GDPD4: variants seen among roughly 807,000 people sequenced by gnomAD.
GDPD4 encodes glycerophosphodiester phosphodiesterase 6.
A neutral mutation model predicts 67.8 loss-of-function variants in GDPD4; 60 were observed. The observed-to-expected ratio is 0.88, with a 90% confidence interval of 0.72 to 1.10. GDPD4 has a LOEUF of 1.10. Ranked by LOEUF, GDPD4 falls within the 50% of genes least tolerant of loss-of-function variation. The pLI is 0.00. For missense variants in GDPD4, 623 were observed against 613.9 expected, an observed-to-expected ratio of 1.01 and a Z score of -0.16; for synonymous variants, 212 against 210.9, an observed-to-expected ratio of 1.00 and a Z score of -0.04.
At chr11:77,231,658 A>T (rs1217511787) in intron 14 of GDPD4, among the ~76,000 whole-genome samples, 1 of 152,250 alleles carries the variant, frequency 6.6e-6, no homozygotes, top group Non-Finnish European at 1.5e-5. Context: ...AAATAGCATC[A>T]TTTAAGTAAA....
chr11:77,260,114 C>G (rs540760341), intron 10 of GDPD4, among the ~76,000 whole-genome samples: 1 of 152,204 alleles, frequency 6.6e-6, no homozygotes, highest in South Asian at 2.1e-4. Context: ...CAAGACCATC[C>G]TGGCCAACAT....
chr11:77,260,325 G>T lies in GDPD4; in HGVS notation c.708-1783C>A, dbSNP rs1322939872. On this transcript the variant is annotated intron_variant, in intron 10 of 16. Transcript: ENST00000315938. ...CCATCTCAGAAAAAAAAATGGTCGG[G>T]GGAGGGGGGGGAATAATTTAGAACT... 6.4e-4 allele frequency among the ~76,000 whole-genome samples: 96 copies of T among 150,732 alleles called. 1 individual carries two copies. The highest frequency in any genetic ancestry group is 2.3e-3 in the African/African-American group (92 of 40,424).
chr11:77,299,588 T>C (rs1351239821), intron 1 of GDPD4, among the ~76,000 whole-genome samples: 1 of 152,246 alleles, frequency 6.6e-6, no homozygotes, highest in African/African-American at 2.4e-5. Flanking sequence ...TGCTGATCTG[T>C]TCTGCCTCAG....
At chr11:77,301,466 G>A (rs1330805081) in intron 1 of GDPD4, 139 bp downstream of exon 1, 2 of 152,330 alleles carry the variant, frequency 1.3e-5, no homozygotes, top group Non-Finnish European at 2.9e-5. Context: ...ATCCTCGAGA[G>A]GGGACACAAA....
In GDPD4 at chr11:77,229,153, T is replaced by C. The variant is rs76566721; in HGVS notation, c.1469A>G (p.His490Arg). ...VLFIVAIFCF[H>R]WRRETEKEKL... is the part of the protein sequence containing the mutation. Reference sequence around the variant, plus strand: ...TTAAAATTATATATATACTTACCAGTGAAAACAAAATATGGCAACAATAAA... The same window carrying C: ...TTAAAATTATATATATACTTACCAGCGAAAACAAAATATGGCAACAATAAA... The change falls in exon 15 of 17, where the codon CAC becomes CGC. Residue 490 changes from histidine (H) to arginine (R), a missense_variant. By Grantham distance (29) the His-to-Arg change is conservative. Transcript: ENST00000315938. 1.3e-6 allele frequency: 2 copies of C among 1,542,270 alleles called. No homozygotes were observed. The highest frequency in any genetic ancestry group is 4.5e-5 in the East Asian group (2 of 44,316).
chr11:77,221,716 G>A (rs890891346), intron 16 of GDPD4, among the ~76,000 whole-genome samples: 1 of 152,188 alleles, frequency 6.6e-6, no homozygotes, highest in Non-Finnish European at 1.5e-5. Context: ...CTGTTGATTT[G>A]GGGTGGACAG....
rs761283511 is a variant in GDPD4, at chr11:77,279,400, C to T, written c.54-1G>A. ...GTATCCTGTTCCTAGAAAAGTGACC[C>T]TGAAAAAAAATGTGTTTCAGTTCTT... On this transcript the variant is annotated splice_acceptor_variant, in intron 3 of 16. Coordinates refer to ENST00000315938, the MANE Select transcript of GDPD4 (RefSeq NM_182833.3). LOFTEE classifies it high-confidence loss of function. 1 of 1,595,548 alleles carries T rather than the reference C, an allele frequency of 6.3e-7. No individual in the cohort carries two copies. Among genetic ancestry groups the T allele is most frequent in the East Asian group, 2.2e-5 (1 of 44,762 alleles).
At chr11:77,284,201 T>C (rs1166354237) in intron 3 of GDPD4, among the ~76,000 whole-genome samples, 1 of 152,198 alleles carries the variant, frequency 6.6e-6, no homozygotes, top group Non-Finnish European at 1.5e-5. Flanking sequence ...GCTAAGTGTA[T>C]TATAGCATCT....
intron 13 of GDPD4, among the ~76,000 whole-genome samples, chr11:77,238,447 G>T (rs1401434984): frequency 6.6e-6 from 1 of 152,014 alleles, no homozygotes; most frequent in African/African-American, 2.4e-5. Flanking sequence ...AGCTAGGTGT[G>T]GTGGTGTGAG....
intron 10 of GDPD4, among the ~76,000 whole-genome samples, chr11:77,259,133 AAC>A (rs911515979): frequency 2.3e-4 from 35 of 151,926 alleles, no homozygotes; most frequent in African/African-American, 8.2e-4. Flanking sequence ...CATGCACCAC[AAC>A]ACCTGGCTTA....
intron 10 of GDPD4, among the ~76,000 whole-genome samples, chr11:77,266,167 A>C (rs533302700): frequency 6.6e-6 from 1 of 152,316 alleles, no homozygotes; most frequent in South Asian, 2.1e-4. Flanking sequence ...TTTTCTGTGG[A>C]ATAAATGCCC....
At chr11:77,220,011 G>T (rs57638073) in intron 16 of GDPD4, among the ~76,000 whole-genome samples, 1 of 152,158 alleles carries the variant, frequency 6.6e-6, no homozygotes, top group Admixed American at 6.5e-5. Context: ...TGCTGAAGTT[G>T]CTTATCAGCT....
intron 8 of GDPD4, 135 bp from the exon 9 acceptor site, chr11:77,269,204 T>C (rs1045978244): frequency 1.7e-5 from 12 of 713,934 alleles, no homozygotes; most frequent in Non-Finnish European, 2.5e-5. Context: ...CTAATTTACT[T>C]TCTATTTCTG....
At chr11:77,300,448 G>A (rs946762417) in intron 1 of GDPD4, among the ~76,000 whole-genome samples, 5 of 151,892 alleles carry the variant, frequency 3.3e-5, no homozygotes, top group African/African-American at 1.2e-4. Context: ...TTGCGGCACC[G>A]AAACTATAAC....
chr11:77,276,125 G>A lies in GDPD4; in HGVS notation c.207+36C>T, dbSNP rs760211187. 2.4e-5 allele frequency: 37 copies of A among 1,515,826 alleles called. No individual in the cohort carries two copies. The African/African-American group carries it at 3.4e-4, about 14-fold the overall frequency. The allele number at this position is 1,515,826 out of a possible 1,614,324, so 93.9% of individuals were successfully genotyped here. On this transcript the variant is annotated intron_variant, in intron 5 of 16. Coordinates refer to ENST00000315938, the MANE Select transcript of GDPD4 (RefSeq NM_182833.3). ...CAGGCCTGGTCTAAGGTTCAGTCCTGGTCTAAGGTTTCCTATGTGGACTCA... is the reference window on the plus strand; with the variant it reads ...CAGGCCTGGTCTAAGGTTCAGTCCTAGTCTAAGGTTTCCTATGTGGACTCA...
chr11:77,232,127 G>A (rs1958468136), intron 14 of GDPD4, among the ~76,000 whole-genome samples: 1 of 152,120 alleles, frequency 6.6e-6, no homozygotes, highest in South Asian at 2.1e-4. Context: ...AACTTTCAAG[G>A]CCATTTGGAG....
chr11:77,261,793 G>C (rs2135862513), intron 10 of GDPD4, among the ~76,000 whole-genome samples: 1 of 152,264 alleles, frequency 6.6e-6, no homozygotes, highest in African/African-American at 2.4e-5. Context: ...GAAACCTCTA[G>C]GGAAGCTTCA....
At chr11:77,253,960 G>C (rs1390411713) in intron 11 of GDPD4, among the ~76,000 whole-genome samples, 1 of 152,194 alleles carries the variant, frequency 6.6e-6, no homozygotes, top group Non-Finnish European at 1.5e-5. Context: ...GCTCCACAGA[G>C]AAAGGTGTAA....
rs1157067340 is a variant in GDPD4 at position 77,217,057 on chromosome 11, G to T, written c.*220C>A. 1 of 704,242 alleles carries T rather than the reference G, an allele frequency of 1.4e-6. No individual in the cohort carries two copies. Among genetic ancestry groups the T allele is most frequent in the East Asian group, 2.7e-5 (1 of 37,284 alleles). The allele number at this position is 704,242 out of a possible 1,614,324, so 43.6% of individuals were successfully genotyped here. ...TGGTGGGTGCTTGGGTGAGTTCAAA[G>T]ACCACGGTGGGCATCGGTGGTTGAA... On this transcript the variant is annotated 3_prime_UTR_variant, in exon 17 of 17. Coordinates refer to ENST00000315938, the MANE Select transcript of GDPD4 (RefSeq NM_182833.3).
Sources: gnomAD v4.1 joint callset for allele counts (sites outside exome capture counted in the v4.1 genomes callset) on GRCh38, gnomAD v4.1.1 for gene constraint, MANE v1.5 for transcripts, NCBI Gene and HGNC (gene_info 2026-07-23, HGNC 2026-07-21) for gene names.